PPFIBP2: variants seen among roughly 807,000 people sequenced by gnomAD.
PPFIBP2 encodes the protein liprin-beta-2.
In PPFIBP2, 118 loss-of-function variants were observed where a neutral mutation model predicts 118.3. The observed-to-expected ratio is 1.00, with a 90% CI of 0.86 to 1.16. PPFIBP2 has a LOEUF of 1.16. PPFIBP2 is among the 50% of genes most tolerant of loss of function. The pLI, the probability that PPFIBP2 is intolerant of heterozygous loss-of-function variation, is 0.00. For synonymous variants in PPFIBP2, 414 were observed against 397.4 expected (o/e 1.04, Z -0.50); for missense variants, 1,195 against 1,073.1 (o/e 1.11, Z -1.59).
intron 6 of PPFIBP2, among the ~76,000 whole-genome samples, chr11:7,613,495 T>C (rs1848300448): frequency 6.6e-6 from 1 of 152,226 alleles, no homozygotes; most frequent in South Asian, 2.1e-4. Flanking sequence ...TTACCTTTTC[T>C]CATCAGCCTT....
At chr11:7,533,715 G>A (rs1850958637) in intron 1 of PPFIBP2, among the ~76,000 whole-genome samples, 1 of 152,098 alleles carries the variant, frequency 6.6e-6, no homozygotes, top group African/African-American at 2.4e-5. Context: ...AAGTAGAGAT[G>A]GAGAAAAGCA....
intron 3 of PPFIBP2, among the ~76,000 whole-genome samples, chr11:7,572,296 C>T (rs1855739767): frequency 6.6e-6 from 1 of 152,160 alleles, no homozygotes; most frequent in Admixed American, 6.5e-5. Flanking sequence ...ATTTTGAATG[C>T]CCTTTTCCTG....
chr11:7,540,734 G>A (rs555108696), intron 1 of PPFIBP2, among the ~76,000 whole-genome samples: 30 of 152,318 alleles, frequency 2.0e-4, no homozygotes, highest in Non-Finnish European at 3.8e-4. Flanking sequence ...GGAGATGGCT[G>A]TGCACAGCTG....
intron 1 of PPFIBP2, among the ~76,000 whole-genome samples, chr11:7,535,221 A>G (rs554621202): frequency 6.8e-4 from 104 of 152,358 alleles, no homozygotes; most frequent in Non-Finnish European, 1.3e-3. Context: ...GCCAAGATTC[A>G]TTTCAACAGG....
chr11:7,570,809 C>T (rs925633465), intron 3 of PPFIBP2, among the ~76,000 whole-genome samples: 1 of 152,208 alleles, frequency 6.6e-6, no homozygotes, highest in Non-Finnish European at 1.5e-5. Context: ...TCATGAGCCT[C>T]TTCTTCACTT....
At chr11:7,635,423 A>G (rs1851322999) in intron 13 of PPFIBP2, 129 bp from the exon 14 acceptor site, 1 of 846,784 alleles carries the variant, frequency 1.2e-6, no homozygotes, top group Non-Finnish European at 2.0e-6. Context: ...ATTACTTGAC[A>G]TGAAGATGTG....
chr11:7,552,862 C>T (rs1412194965), intron 2 of PPFIBP2, among the ~76,000 whole-genome samples: 31 of 152,112 alleles, frequency 2.0e-4, no homozygotes, highest in Admixed American at 6.6e-5. Context: ...CCACATAACT[C>T]TGTTCTTGTA....
At chr11:7,603,861 C>A (rs902384967) in intron 5 of PPFIBP2, among the ~76,000 whole-genome samples, 9 of 152,158 alleles carry the variant, frequency 5.9e-5, no homozygotes, top group Non-Finnish European at 1.0e-4. Flanking sequence ...CCACCCTCCC[C>A]CAGACCACCT....
At chr11:7,586,258 G>A (rs1260688063) in intron 3 of PPFIBP2, among the ~76,000 whole-genome samples, 1 of 152,102 alleles carries the variant, frequency 6.6e-6, no homozygotes, top group East Asian at 1.9e-4. Flanking sequence ...CAGAAATATT[G>A]CCCCTGTTGT....
At chr11:7,605,050 C>T (rs1338264048) in intron 5 of PPFIBP2, among the ~76,000 whole-genome samples, 3 of 152,172 alleles carry the variant, frequency 2.0e-5, no homozygotes, top group Non-Finnish European at 4.4e-5. Flanking sequence ...AATTCAGGAG[C>T]AAATTCTGGA....
chr11:7,645,773 A>G (rs1347857698), intron 17 of PPFIBP2, among the ~76,000 whole-genome samples: 2 of 152,198 alleles, frequency 1.3e-5, no homozygotes, highest in Non-Finnish European at 2.9e-5. Flanking sequence ...TCCAATTATG[A>G]TCTCAAAAAC....
chr11:7,524,141 TGA>T (rs71280834), intron 1 of PPFIBP2, among the ~76,000 whole-genome samples: 26 of 150,428 alleles, frequency 1.7e-4, no homozygotes, highest in South Asian at 4.2e-4. Flanking sequence ...TGTGTGTGTG[TGA>T]GAGAGAGAGA....
chr11:7,665,565 A>G, the PPFIBP2 span: 778 of 1,586,366 alleles, frequency 4.9e-4, no homozygotes, highest in Non-Finnish European at 6.4e-4. Context: ...AAGGAGATGC[A>G]GGAGCAAGCT....
At chr11:7,526,957 GA>G (rs1850283789) in intron 1 of PPFIBP2, among the ~76,000 whole-genome samples, 1 of 152,086 alleles carries the variant, frequency 6.6e-6, no homozygotes, top group Admixed American at 6.5e-5. Context: ...AAGATTTTGA[GA>G]ACACACCATC....
At chr11:7,666,541 C>T in the PPFIBP2 span, 3 of 1,612,744 alleles carry the variant, frequency 1.9e-6, no homozygotes, top group South Asian at 2.2e-5. Flanking sequence ...ACCAAGATAT[C>T]CTCCTCTGTC....
At chr11:7,649,123 C>T in intron 19 of PPFIBP2, 24 bp from the exon 20 acceptor site, 2 of 1,599,184 alleles carry the variant, frequency 1.3e-6, no homozygotes, top group African/African-American at 1.3e-5. Flanking sequence ...AATCCTGACA[C>T]ATCTGGGGTT....
At position 7,616,162 on chromosome 11, in the gene PPFIBP2, C is replaced by T. The variant is rs1363083952; in HGVS notation, c.619-4773C>T. On this transcript the variant is annotated intron_variant, in intron 6 of 23. Coordinates refer to ENST00000299492, the MANE Select transcript of PPFIBP2 (RefSeq NM_003621.5). The surrounding 1 kb of genome is among the most constrained non-coding windows in gnomAD (Gnocchi z 5.2). Reference sequence around the variant, plus strand: ...CACATACACACGCACACACAAACACCCACACACAGTTATGTTCTTAAAAAG... The same window carrying T: ...CACATACACACGCACACACAAACACTCACACACAGTTATGTTCTTAAAAAG... Among the ~76,000 whole-genome samples, 2 of 147,422 alleles carry T rather than the reference C, an allele frequency of 1.4e-5. No homozygotes were observed. The highest frequency in any genetic ancestry group is 2.9e-5 in the Non-Finnish European group (2 of 67,958).
At chr11:7,636,375 A>G (rs1429428407) in intron 14 of PPFIBP2, among the ~76,000 whole-genome samples, 1 of 151,044 alleles carries the variant, frequency 6.6e-6, no homozygotes, top group Non-Finnish European at 1.5e-5. Context: ...GGGCTTCTCT[A>G]CTCTTCCATA....
Position 7,651,652 on chromosome 11 carries a change from T to C in PPFIBP2, c.2248-4T>C, listed in dbSNP as rs371373169. 3.9e-5 allele frequency: 62 copies of C among 1,597,854 alleles called. 1 individual carries two copies. In the South Asian group the frequency reaches 5.9e-4, roughly 15 times the overall value. On this transcript the variant is annotated splice_polypyrimidine_tract_variant and splice_region_variant and intron_variant, in intron 22 of 23. Transcript: ENST00000299492. ...GGCCAGGCTTGTCTCTGGTTCCTTCTTAGATCCTGGAGCCACGCTTCACTG... is the reference window on the plus strand; with the variant it reads ...GGCCAGGCTTGTCTCTGGTTCCTTCCTAGATCCTGGAGCCACGCTTCACTG...
Sources: gnomAD v4.1 joint callset for allele counts (sites outside exome capture counted in the v4.1 genomes callset) on GRCh38, gnomAD v4.1.1 for gene constraint, Gnocchi (gnomAD v3.1) non-coding constraint, MANE v1.5 for transcripts, NCBI Gene and HGNC (gene_info 2026-07-23, HGNC 2026-07-21) for gene names.